The following ARHGAP15 variants were observed in gnomAD, a reference collection of about 807,000 sequenced individuals.
ARHGAP15 encodes rho GTPase-activating protein 15.
A neutral mutation model predicts 63.7 loss-of-function variants in ARHGAP15; 51 were observed. The observed-to-expected ratio is 0.80, with a 90% CI of 0.64 to 1.01. The LOEUF is 1.01. Ranked by LOEUF, ARHGAP15 falls within the 50% of genes least tolerant of loss-of-function variation. The pLI is 0.00. For synonymous variants in ARHGAP15, 191 were observed against 193.8 expected (o/e 0.99, Z 0.12); for missense variants, 560 against 564.6 (o/e 0.99, Z 0.08).
intron 1 of ARHGAP15, among the ~76,000 whole-genome samples, chr2:143,142,067 C>A (rs1018016764): frequency 6.6e-6 from 1 of 152,058 alleles, no homozygotes; most frequent in African/African-American, 2.4e-5. Context: ...CAAGAGAAGA[C>A]ATATAGACAT....
intron 5 of ARHGAP15, among the ~76,000 whole-genome samples, chr2:143,238,700 C>T (rs773246037): frequency 1.3e-5 from 2 of 152,132 alleles, no homozygotes; most frequent in Non-Finnish European, 2.9e-5. Flanking sequence ...TGAGTACATA[C>T]CCAAAGGAAT....
At chr2:143,743,143 G>A (rs897004456) in intron 13 of ARHGAP15, among the ~76,000 whole-genome samples, 1 of 152,172 alleles carries the variant, frequency 6.6e-6, no homozygotes, top group Non-Finnish European at 1.5e-5. Context: ...GATAAGAAGC[G>A]TTCAGATTCT....
chr2:143,711,450 A>G (rs1684576269), intron 13 of ARHGAP15, among the ~76,000 whole-genome samples: 1 of 152,210 alleles, frequency 6.6e-6, no homozygotes, highest in East Asian at 1.9e-4. Flanking sequence ...TACTGTAGGG[A>G]GAGAGAATAC....
At chr2:143,380,442 G>A (rs1014485715) in intron 6 of ARHGAP15, among the ~76,000 whole-genome samples, 6 of 152,044 alleles carry the variant, frequency 3.9e-5, no homozygotes, top group African/African-American at 1.5e-4. Context: ...AGATAGTCCT[G>A]CTTTTGCCCT....
At chr2:143,278,655 T>A (rs1442910514) in intron 6 of ARHGAP15, among the ~76,000 whole-genome samples, 1 of 152,112 alleles carries the variant, frequency 6.6e-6, no homozygotes, top group African/African-American at 2.4e-5. Context: ...CTCAAATATT[T>A]CTATTCTGGT....
At chr2:143,288,221 T>C (rs1055558878) in intron 6 of ARHGAP15, among the ~76,000 whole-genome samples, 6 of 152,168 alleles carry the variant, frequency 3.9e-5, no homozygotes, top group African/African-American at 1.4e-4. Flanking sequence ...GTGTCACTCA[T>C]ATGTATGCAC....
intron 6 of ARHGAP15, among the ~76,000 whole-genome samples, chr2:143,399,312 C>A (rs1304302425): frequency 6.6e-6 from 1 of 150,852 alleles, no homozygotes; most frequent in Non-Finnish European, 1.5e-5. Flanking sequence ...AAGAGGGGTA[C>A]AAGCTGTAAG....
intron 12 of ARHGAP15, among the ~76,000 whole-genome samples, chr2:143,647,890 G>C (rs1040915719): frequency 6.6e-6 from 1 of 151,932 alleles, no homozygotes; most frequent in Non-Finnish European, 1.5e-5. Flanking sequence ...AAATAAGAAT[G>C]GTTTTCATAT....
chr2:143,268,218 T>C (rs1413596434), intron 6 of ARHGAP15, among the ~76,000 whole-genome samples: 1 of 151,562 alleles, frequency 6.6e-6, no homozygotes, highest in African/African-American at 2.4e-5. Flanking sequence ...TGTTAAATCC[T>C]ATTTTTCTAA....
At chr2:143,485,860 A>G (rs1425163573) in intron 8 of ARHGAP15, among the ~76,000 whole-genome samples, 2 of 152,200 alleles carry the variant, frequency 1.3e-5, no homozygotes, top group Non-Finnish European at 2.9e-5. Flanking sequence ...GAATTGTCTC[A>G]ATTTAGTAAT....
At chr2:143,362,202 C>T (rs1329533685) in intron 6 of ARHGAP15, among the ~76,000 whole-genome samples, 1 of 152,170 alleles carries the variant, frequency 6.6e-6, no homozygotes, top group Non-Finnish European at 1.5e-5. Context: ...TGAATTATCA[C>T]AATTATACAT....
At chr2:143,572,088 T>G (rs926198574) in intron 11 of ARHGAP15, 1 of 152,294 alleles carries the variant, frequency 6.6e-6, no homozygotes, top group African/African-American at 2.4e-5. Flanking sequence ...CTCCCTTTCA[T>G]GACTGTTAGA....
At chr2:143,716,714 C>T (rs1309693026) in intron 13 of ARHGAP15, among the ~76,000 whole-genome samples, 2 of 152,246 alleles carry the variant, frequency 1.3e-5, no homozygotes, top group Non-Finnish European at 2.9e-5. Context: ...CTAAACCACA[C>T]TCTGCTTTCT....
chr2:143,346,162 A>ACACACACACACACTCTCTCTCT (rs1685264110), intron 6 of ARHGAP15, among the ~76,000 whole-genome samples: 3 of 110,780 alleles, frequency 2.7e-5, no homozygotes, highest in Non-Finnish European at 5.4e-5. Context: ...GAGCACACAC[A>ACACACACACACACTCTCTCTCT]CACACACACA....
chr2:143,549,899 T>G (rs892650329), intron 10 of ARHGAP15, among the ~76,000 whole-genome samples: 2 of 152,154 alleles, frequency 1.3e-5, no homozygotes, highest in Non-Finnish European at 2.9e-5. Flanking sequence ...TCATTTAAGA[T>G]TGGACAAGTT....
chr2:143,166,324 A>G (rs1385162985), intron 2 of ARHGAP15, among the ~76,000 whole-genome samples: 7 of 152,122 alleles, frequency 4.6e-5, no homozygotes, highest in African/African-American at 1.7e-4. Flanking sequence ...CACCATCTCA[A>G]TCCTGCCCCT....
At chr2:143,416,032 G>T (rs568797903) in intron 6 of ARHGAP15, among the ~76,000 whole-genome samples, 12 of 152,070 alleles carry the variant, frequency 7.9e-5, no homozygotes, top group African/African-American at 2.9e-4. Context: ...AGTGTATGCT[G>T]CCTGGGTGAT....
intron 8 of ARHGAP15, among the ~76,000 whole-genome samples, chr2:143,486,573 A>AGAG (rs1692334184): frequency 1.3e-5 from 2 of 152,106 alleles, no homozygotes; most frequent in Non-Finnish European, 2.9e-5. Context: ...TCTAAAAATA[A>AGAG]GAGGAGGAGG....
At chr2:143,291,173 A>G (rs1216162098) in intron 6 of ARHGAP15, among the ~76,000 whole-genome samples, 2 of 152,158 alleles carry the variant, frequency 1.3e-5, no homozygotes, top group African/African-American at 4.8e-5. Flanking sequence ...TGGTTTGATA[A>G]TTTCTATCAG....
Sources: gnomAD v4.1 joint callset for allele counts (sites outside exome capture counted in the v4.1 genomes callset) on GRCh38, gnomAD v4.1.1 for gene constraint, MANE v1.5 for transcripts, NCBI Gene and HGNC (gene_info 2026-07-23, HGNC 2026-07-21) for gene names.